ZNF521: variants seen among roughly 807,000 people sequenced by gnomAD.
The protein encoded by ZNF521 is zinc finger protein 521, also known as LYST-interacting protein 3.
In ZNF521, 14 loss-of-function variants were observed where a neutral mutation model predicts 105.5. The observed-to-expected ratio is 0.13, with a 90% CI of 0.09 to 0.21. The LOEUF is 0.21. Ranked by LOEUF, ZNF521 falls within the 10% of genes least tolerant of loss-of-function variation. ZNF521 has a pLI of 1.00. For missense variants in ZNF521, 1,233 were observed against 1,629.7 expected, an observed-to-expected ratio of 0.76 and a Z score of 4.19; for synonymous variants, 635 against 606.0, an observed-to-expected ratio of 1.05 and a Z score of -0.70.
chr18:25,305,912 A>T (rs1911947414), intron 3 of ZNF521, among the ~76,000 whole-genome samples: 1 of 152,262 alleles, frequency 6.6e-6, no homozygotes, highest in Admixed American at 6.5e-5. Context: ...CCTTGCCATG[A>T]TGATACATCT....
At chr18:25,273,182 G>A (rs972747334) in intron 3 of ZNF521, among the ~76,000 whole-genome samples, 7 of 118,834 alleles carry the variant, frequency 5.9e-5, no homozygotes, top group East Asian at 2.8e-4. Flanking sequence ...AGCCGAGATC[G>A]CTCCTCTGTG....
chr18:25,345,076 C>A (rs938973202), intron 2 of ZNF521, among the ~76,000 whole-genome samples: 2 of 152,138 alleles, frequency 1.3e-5, no homozygotes, highest in African/African-American at 4.8e-5. Flanking sequence ...CAACTTATGT[C>A]AACAAGTATT....
intron 3 of ZNF521, among the ~76,000 whole-genome samples, chr18:25,298,050 A>T (rs529408715): frequency 3.9e-5 from 6 of 152,296 alleles, no homozygotes; most frequent in Non-Finnish European, 8.8e-5. Context: ...CCTGCATTAG[A>T]TGAAAAGGTG....
At chr18:25,246,089 G>C (rs959902045) in intron 3 of ZNF521, among the ~76,000 whole-genome samples, 4 of 152,108 alleles carry the variant, frequency 2.6e-5, no homozygotes, top group African/African-American at 4.8e-5. Flanking sequence ...GGTGGGAGGA[G>C]GGGGGAGGGA....
intron 5 of ZNF521, among the ~76,000 whole-genome samples, chr18:25,107,650 C>T (rs1600035282): frequency 6.6e-6 from 1 of 152,170 alleles, no homozygotes; most frequent in South Asian, 2.1e-4. Context: ...TACATAGAGG[C>T]TTTCAAAGAA....
At chr18:25,090,583 G>T (rs2033722445) in intron 6 of ZNF521, among the ~76,000 whole-genome samples, 2 of 152,114 alleles carry the variant, frequency 1.3e-5, no homozygotes. Context: ...ATTCACGTCT[G>T]TCTGCACAGA....
At chr18:25,156,448 C>T (rs62083881) in intron 5 of ZNF521, among the ~76,000 whole-genome samples, 40,135 of 152,012 alleles carry the variant, frequency 0.26, 6,065 homozygotes, top group Non-Finnish European at 0.34. Flanking sequence ...CACGCTCATT[C>T]GTCTCTTCAA....
chr18:25,288,114 G>A (rs1370414803), intron 3 of ZNF521, among the ~76,000 whole-genome samples: 1 of 152,074 alleles, frequency 6.6e-6, no homozygotes, highest in Non-Finnish European at 1.5e-5. Context: ...CCTCTACTGG[G>A]CAACATCAAT....
chr18:25,276,759 A>C (rs935186985), intron 3 of ZNF521, among the ~76,000 whole-genome samples: 2 of 152,260 alleles, frequency 1.3e-5, no homozygotes, highest in African/African-American at 4.8e-5. Flanking sequence ...TCTGTGAAGA[A>C]GTTAATGAAG....
intron 2 of ZNF521, among the ~76,000 whole-genome samples, chr18:25,326,180 G>A (rs1913207954): frequency 2.0e-5 from 3 of 152,096 alleles, no homozygotes; most frequent in African/African-American, 7.2e-5. Context: ...CCATCTCAGT[G>A]GACTGGCAAA....
At chr18:25,267,278 C>T (rs1909333172) in intron 3 of ZNF521, among the ~76,000 whole-genome samples, 1 of 152,200 alleles carries the variant, frequency 6.6e-6, no homozygotes, top group African/African-American at 2.4e-5. Flanking sequence ...CAGCCCCAGT[C>T]AGCGACTTAT....
chr18:25,203,308 A>C (rs1040716468), intron 4 of ZNF521, among the ~76,000 whole-genome samples: 1 of 151,958 alleles, frequency 6.6e-6, no homozygotes, highest in Non-Finnish European at 1.5e-5. Context: ...AATGGGAATA[A>C]TTTTCTTGAG....
chr18:25,114,933 C>A (rs2034273510), intron 5 of ZNF521, among the ~76,000 whole-genome samples: 1 of 152,176 alleles, frequency 6.6e-6, no homozygotes, highest in Non-Finnish European at 1.5e-5. Context: ...GTTTATTGTT[C>A]TTTGCTAATA....
At chr18:25,328,874 G>GA (rs1913392359) in intron 2 of ZNF521, among the ~76,000 whole-genome samples, 1 of 152,254 alleles carries the variant, frequency 6.6e-6, no homozygotes, top group African/African-American at 2.4e-5. Flanking sequence ...TCTTTAACAT[G>GA]AAATTTGGTA....
In ZNF521 at chr18:25,339,028, T is replaced by C. The variant is rs545834798; in HGVS notation, c.40+11879A>G. On this transcript the variant is annotated intron_variant, in intron 2 of 7. Transcript: ENST00000361524. The stretch of plus-strand genomic sequence containing the variant: ...AAAACTCAATGAATGTAGCTGTAGG[T>C]AGTTTACTTAGAATGGGAAAACCAG... 2.9e-4 allele frequency among the ~76,000 whole-genome samples: 44 copies of C among 152,302 alleles called. 1 individual carries two copies. Among genetic ancestry groups the C allele is most frequent in the Admixed American group, 2.7e-3 (42 of 15,300 alleles).
chr18:25,329,903 G>C (rs182162162), intron 2 of ZNF521, among the ~76,000 whole-genome samples: 1 of 106,154 alleles, frequency 9.4e-6, no homozygotes, highest in African/African-American at 3.3e-5. Flanking sequence ...CTAAGTCAAC[G>C]GCAGAAAGGA....
chr18:25,268,999 G>A (rs1200481006), intron 3 of ZNF521, among the ~76,000 whole-genome samples: 2 of 151,260 alleles, frequency 1.3e-5, no homozygotes, highest in African/African-American at 4.9e-5. Flanking sequence ...TGGATAAAGA[G>A]TCAAGACCCA....
Position 25,312,817 on chromosome 18 carries a change from CAAAAAA to C in ZNF521, c.220+9185_220+9190del, listed in dbSNP as rs11343299. 6.2e-4 allele frequency among the ~76,000 whole-genome samples: 10 copies of C among 16,248 alleles called. 3 individuals are homozygous for C. The highest frequency in any genetic ancestry group is 1.6e-3 in the African/African-American group (8 of 4,886). The allele number at this position is 16,248 out of a possible 152,430, so 10.7% of individuals were successfully genotyped here. A position where few individuals can be genotyped will look rare whatever the true frequency, so the allele number is the denominator to read the frequency against. On this transcript the variant is annotated intron_variant, in intron 3 of 7. Transcript: ENST00000361524. ...TGGGCGACAGAGCGAGACTCCGTCT[CAAAAAA>C]AAAAAAAAAAAAAAAAAAGAAGTTG...
chr18:25,077,346 G>A (rs1324125746), intron 7 of ZNF521, among the ~76,000 whole-genome samples: 1 of 152,146 alleles, frequency 6.6e-6, no homozygotes, highest in Non-Finnish European at 1.5e-5. Flanking sequence ...TGCTATTTGT[G>A]CTCTGCTACA....
Sources: gnomAD v4.1 joint callset for allele counts (sites outside exome capture counted in the v4.1 genomes callset) on GRCh38, gnomAD v4.1.1 for gene constraint, MANE v1.5 for transcripts, NCBI Gene and HGNC (gene_info 2026-07-23, HGNC 2026-07-21) for gene names.